Variants in RELN observed in about 807,000 individuals in gnomAD.
RELN encodes reelin.
In RELN, 108 loss-of-function variants were observed where a neutral mutation model predicts 427.6. That is an observed-to-expected ratio of 0.25 (90% CI 0.22 to 0.30). The LOEUF is 0.30. Ranked by LOEUF, RELN falls within the 10% of genes least tolerant of loss-of-function variation. The pLI is 1.00. For missense variants in RELN, 3,715 were observed against 4,302.8 expected, an observed-to-expected ratio of 0.86 and a Z score of 3.82; for synonymous variants, 1,524 against 1,513.4, an observed-to-expected ratio of 1.01 and a Z score of -0.16.
At chr7:103,721,348 G>A (rs956984583) in intron 8 of RELN, among the ~76,000 whole-genome samples, 3 of 151,782 alleles carry the variant, frequency 2.0e-5, no homozygotes, top group Non-Finnish European at 4.4e-5. Flanking sequence ...TTGGCCTGAT[G>A]GCTACAGTCC....
At chr7:103,956,061 T>C (rs938492230) in intron 1 of RELN, among the ~76,000 whole-genome samples, 2 of 152,228 alleles carry the variant, frequency 1.3e-5, no homozygotes, top group East Asian at 3.8e-4. Flanking sequence ...TTAGAAAATT[T>C]CTGTCGTATT....
At chr7:103,690,005 C>T (rs1045136369) in intron 10 of RELN, among the ~76,000 whole-genome samples, 1 of 152,108 alleles carries the variant, frequency 6.6e-6, no homozygotes, top group Non-Finnish European at 1.5e-5. Flanking sequence ...AGGGTTTTTA[C>T]AGACACAAAA....
At chr7:103,949,403 T>TC (rs1796288227) in intron 1 of RELN, among the ~76,000 whole-genome samples, 1 of 151,520 alleles carries the variant, frequency 6.6e-6, no homozygotes, top group Admixed American at 6.6e-5. Context: ...ACAATCTTAA[T>TC]CCCCAACATG....
chr7:103,748,180 A>G (rs962974782), intron 6 of RELN, among the ~76,000 whole-genome samples: 9 of 151,060 alleles, frequency 6.0e-5, no homozygotes, highest in Admixed American at 5.3e-4. Context: ...AATATTTTCA[A>G]TTTATTTTAA....
At chr7:103,805,422 A>G (rs1441089458) in intron 3 of RELN, among the ~76,000 whole-genome samples, 2 of 152,226 alleles carry the variant, frequency 1.3e-5, no homozygotes, top group South Asian at 2.1e-4. Context: ...TATAACTGAC[A>G]ACTATATGTG....
chr7:103,540,533 G>T, intron 43 of RELN, 78 bp from the exon 44 acceptor site: 1 of 1,382,786 alleles, frequency 7.2e-7, no homozygotes, highest in Non-Finnish European at 1.0e-6. Context: ...AGCACATGGG[G>T]TAATGCAGGG....
chr7:103,699,993 G>A (rs1834057070), intron 9 of RELN, among the ~76,000 whole-genome samples: 1 of 151,798 alleles, frequency 6.6e-6, no homozygotes, highest in African/African-American at 2.4e-5. Flanking sequence ...AGACAAACTG[G>A]CTTAATATTA....
intron 46 of RELN, among the ~76,000 whole-genome samples, chr7:103,528,330 C>T (rs2117104009): frequency 6.6e-6 from 1 of 152,228 alleles, no homozygotes; most frequent in African/African-American, 2.4e-5. Flanking sequence ...TTTCTATGAA[C>T]TGTCCAGAAC....
chr7:103,545,927 C>T (rs1341072495), intron 41 of RELN, among the ~76,000 whole-genome samples: 3 of 152,180 alleles, frequency 2.0e-5, no homozygotes, highest in African/African-American at 7.2e-5. Flanking sequence ...TGAGCCACCG[C>T]ACCCGGCCCC....
intron 1 of RELN, among the ~76,000 whole-genome samples, chr7:103,941,836 G>A (rs188643278): frequency 6.6e-6 from 1 of 152,148 alleles, no homozygotes; most frequent in African/African-American, 2.4e-5. Context: ...CTGTTTCAGG[G>A]ATCCGCAGAA....
At chr7:103,821,847 A>T (rs1793023242) in intron 3 of RELN, among the ~76,000 whole-genome samples, 1 of 152,160 alleles carries the variant, frequency 6.6e-6, no homozygotes, top group Non-Finnish European at 1.5e-5. Context: ...TTGCTCTTTG[A>T]AATATATGTC....
chr7:103,636,356 A>G lies in RELN; in HGVS notation c.2182T>C (p.Ser728Pro). 1.2e-6 allele frequency: 2 copies of G among 1,613,956 alleles called. No homozygotes were observed. Among genetic ancestry groups the G allele is most frequent in the Non-Finnish European group, 1.7e-6 (2 of 1,179,890 alleles). Residue 728 changes from serine to proline, a missense_variant, in exon 18 of 65, where the codon TCT (serine) becomes CCT (proline). Physicochemically the swap from Ser to Pro is moderately conservative, Grantham distance 74. Around this residue, in one of 4 missense-constraint regions of RELN, gnomAD observed 2,208 missense variants for 2,361.7 expected, o/e 0.93. Transcript: ENST00000428762. ...SRLSSYHNFY[S>P]IRGAEVSFGC... ...AAGCTGACTTCAGCACCACGGATAG[A>G]GTAAAAGTTATGGTAAGAGGAGAGC...
chr7:103,651,836 A>G (rs1284470294), intron 14 of RELN, 47 bp from the exon 15 acceptor site: 1 of 1,596,206 alleles, frequency 6.3e-7, no homozygotes, highest in Non-Finnish European at 8.6e-7. Context: ...GAGGGTAAAG[A>G]TAACAAATCA....
chr7:103,623,578 C>A (rs367898668), intron 20 of RELN, among the ~76,000 whole-genome samples: 2 of 152,326 alleles, frequency 1.3e-5, no homozygotes, highest in South Asian at 2.1e-4. Flanking sequence ...ACAACACAAT[C>A]CTTACATTAG....
At chr7:103,693,487 G>A (rs537055367) in intron 10 of RELN, among the ~76,000 whole-genome samples, 68 of 151,198 alleles carry the variant, frequency 4.5e-4, no homozygotes, top group African/African-American at 1.0e-3. Context: ...TGTTCTGCAC[G>A]TGTATCCCAG....
intron 4 of RELN, among the ~76,000 whole-genome samples, chr7:103,770,508 C>G (rs990921838): frequency 1.3e-5 from 2 of 152,196 alleles, no homozygotes; most frequent in Non-Finnish European, 1.5e-5. Context: ...TCAACCTATT[C>G]AACTTCAACT....
intron 10 of RELN, among the ~76,000 whole-genome samples, chr7:103,695,787 A>T (rs77540977): frequency 0.03 from 4,492 of 152,174 alleles, 214 homozygotes; most frequent in African/African-American, 0.1. Context: ...CTTTTAATCA[A>T]GTGGTAGTGG....
intron 49 of RELN, 36 bp downstream of exon 49, chr7:103,519,287 A>G (rs776633775): frequency 6.6e-6 from 10 of 1,512,758 alleles, no homozygotes; most frequent in Non-Finnish European, 8.3e-6. Context: ...TCTCTGCTCG[A>G]TGTACTCGTT....
chr7:103,581,245 T>G (rs2117220917), intron 28 of RELN, among the ~76,000 whole-genome samples: 1 of 152,274 alleles, frequency 6.6e-6, no homozygotes, highest in South Asian at 2.1e-4. Context: ...ACAAGTCTCT[T>G]GCTGCATTTG....
Sources: gnomAD v4.1 joint callset for allele counts (sites outside exome capture counted in the v4.1 genomes callset) on GRCh38, gnomAD v4.1.1 for gene constraint, gnomAD v4.1.1 regional missense constraint, MANE v1.5 for transcripts, NCBI Gene and HGNC (gene_info 2026-07-23, HGNC 2026-07-21) for gene names.